The following FRMD6 variants were observed in gnomAD, a reference collection of about 807,000 sequenced individuals.
FRMD6 encodes FERM domain-containing protein 6.
Under a neutral mutation model 73.2 loss-of-function variants are expected in FRMD6, and 37 were observed. The ratio of observed to expected loss-of-function variants is 0.51; its 90% CI spans 0.39 to 0.66. FRMD6 has a LOEUF of 0.66. Ranked by LOEUF, FRMD6 falls within the 30% of genes least tolerant of loss-of-function variation. The probability of loss-of-function intolerance (pLI) is 0.00; values close to 1 mark genes in which losing one functional copy is unlikely to be tolerated. For missense variants in FRMD6, 714 were observed against 780.5 expected (o/e 0.91, Z 1.02); for synonymous variants, 273 against 282.2 (o/e 0.97, Z 0.33).
rs1240877933 is a variant in FRMD6 at position 51,711,527 on chromosome 14, A to G, written c.715-4A>G. On this transcript the variant is annotated splice_polypyrimidine_tract_variant and splice_region_variant and intron_variant, in intron 7 of 13. Coordinates refer to ENST00000344768, the MANE Select transcript of FRMD6 (RefSeq NM_001267046.2). ...TAATTTTTTATAAAATCCTATTCCT[A>G]CAGGATAAAAGGGAAATTGAAGCAT... The G allele has an allele frequency of 1.9e-6, 3 of 1,585,140 alleles. No homozygotes were observed. Among genetic ancestry groups the G allele is most frequent in the South Asian group, 1.1e-5 (1 of 88,972 alleles).
chr14:51,562,849 C>T (rs1172600241), intron 1 of FRMD6, among the ~76,000 whole-genome samples: 2 of 152,204 alleles, frequency 1.3e-5, no homozygotes, highest in African/African-American at 2.4e-5. Context: ...ACAAAATAGA[C>T]ATTTATGATA....
chr14:51,541,592 G>A (rs1020668317), intron 1 of FRMD6, among the ~76,000 whole-genome samples: 1 of 152,004 alleles, frequency 6.6e-6, no homozygotes, highest in Non-Finnish European at 1.5e-5. Flanking sequence ...GGCTGTGTAC[G>A]GATGTAAGAA....
At chr14:51,656,059 A>G (rs1472044782) in intron 1 of FRMD6, among the ~76,000 whole-genome samples, 2 of 152,218 alleles carry the variant, frequency 1.3e-5, no homozygotes, top group South Asian at 2.1e-4. Flanking sequence ...CTACAGCAGT[A>G]ATGGCTGAAG....
chr14:51,466,252 T>A, the FRMD6 span, among the ~76,000 whole-genome samples: 1 of 152,226 alleles, frequency 6.6e-6, no homozygotes, highest in Non-Finnish European at 1.5e-5. Flanking sequence ...AGCAAAAACT[T>A]AATTTTGGAA....
At chr14:51,606,787 A>T (rs927801684) in intron 2 of FRMD6, among the ~76,000 whole-genome samples, 1 of 152,124 alleles carries the variant, frequency 6.6e-6, no homozygotes, top group Non-Finnish European at 1.5e-5. Context: ...ATGCTCAGGA[A>T]TGCTGACCTA....
At chr14:51,525,357 C>T (rs576072372) in intron 1 of FRMD6, among the ~76,000 whole-genome samples, 1 of 152,088 alleles carries the variant, frequency 6.6e-6, no homozygotes, top group Admixed American at 6.5e-5. Context: ...CAACCTCCCC[C>T]TCCCGGGTTC....
chr14:51,572,746 T>G (rs1888197475), intron 2 of FRMD6, among the ~76,000 whole-genome samples: 1 of 152,182 alleles, frequency 6.6e-6, no homozygotes, highest in South Asian at 2.1e-4. Context: ...CCTAAGATGG[T>G]TGAAAAGGGA....
the FRMD6 span, among the ~76,000 whole-genome samples, chr14:51,438,051 C>T: frequency 6.6e-6 from 1 of 152,062 alleles, no homozygotes; most frequent in Admixed American, 6.5e-5. Context: ...TCTACTTTCT[C>T]TTGTTTAAAA....
At chr14:51,404,034 C>T in the FRMD6 span, among the ~76,000 whole-genome samples, 1 of 152,120 alleles carries the variant, frequency 6.6e-6, no homozygotes, top group African/African-American at 2.4e-5. Flanking sequence ...CCAGTGGTGT[C>T]TAAGTGTTAT....
chr14:51,703,057 T>G (rs1189665534), intron 5 of FRMD6, among the ~76,000 whole-genome samples: 1 of 152,006 alleles, frequency 6.6e-6, no homozygotes, highest in African/African-American at 2.4e-5. Context: ...TTTCTTTTCA[T>G]GTTTGGGGTC....
At position 51,516,136 on chromosome 14, in the gene FRMD6, A is replaced by C. The variant is rs186210057; in HGVS notation, c.-210+26716A>C. 6.6e-5 allele frequency among the ~76,000 whole-genome samples: 10 copies of C among 152,274 alleles called. No homozygotes were observed. The East Asian group carries it at 7.7e-4, about 12-fold the overall frequency. On this transcript the variant is annotated intron_variant, in intron 1 of 14. Transcript: ENST00000356218. ...GAAGCTGGAAGTTTCTCCTCCTGCC[A>C]AAGAGCTGCCCACTGGTGAACCCCT...
intron 1 of FRMD6, among the ~76,000 whole-genome samples, chr14:51,679,130 C>T (rs1894605846): frequency 6.6e-6 from 1 of 151,794 alleles, no homozygotes; most frequent in Non-Finnish European, 1.5e-5. Flanking sequence ...AAGAGGTCAC[C>T]CTGGCAGCAT....
At chr14:51,556,573 A>T (rs1017122015) in intron 1 of FRMD6, among the ~76,000 whole-genome samples, 27 of 152,162 alleles carry the variant, frequency 1.8e-4, no homozygotes, top group African/African-American at 6.5e-4. Context: ...ATGCATTTAG[A>T]TGGAGTCCCT....
intron 1 of FRMD6, among the ~76,000 whole-genome samples, chr14:51,559,228 T>C (rs1887335374): frequency 6.6e-6 from 1 of 152,230 alleles, no homozygotes; most frequent in African/African-American, 2.4e-5. Context: ...AGAAATAAGA[T>C]CTGTAAATGT....
chr14:51,409,202 T>C, the FRMD6 span, among the ~76,000 whole-genome samples: 1 of 152,116 alleles, frequency 6.6e-6, no homozygotes, highest in Admixed American at 6.5e-5. Flanking sequence ...TGCAGATCTG[T>C]GCTTCTTCTT....
At chr14:51,511,856 C>T (rs1355760896) in intron 1 of FRMD6, among the ~76,000 whole-genome samples, 1 of 150,208 alleles carries the variant, frequency 6.7e-6, no homozygotes, top group Non-Finnish European at 1.5e-5. Context: ...GCACATGTAC[C>T]CCAGAACTTA....
At position 51,492,920 on chromosome 14, in the gene FRMD6, C is replaced by T. The variant is rs71422023; in HGVS notation, c.-210+3500C>T. On this transcript the variant is annotated intron_variant, in intron 1 of 14. Coordinates refer to the FRMD6 transcript ENST00000356218. Reference sequence around the variant, plus strand: ...TGTTTCCCTTATTCCATGCTGCGTCCACCATGGCGCCTGGATTACAAACTC... The same window carrying T: ...TGTTTCCCTTATTCCATGCTGCGTCTACCATGGCGCCTGGATTACAAACTC... Among the ~76,000 whole-genome samples, 802 of 152,272 alleles carry T rather than the reference C, an allele frequency of 5.3e-3. 6 individuals are homozygous for T. The highest frequency in any genetic ancestry group is 9.3e-3 in the Non-Finnish European group (631 of 68,020).
At chr14:51,509,772 A>G (rs1324778095) in intron 1 of FRMD6, among the ~76,000 whole-genome samples, 3 of 151,778 alleles carry the variant, frequency 2.0e-5, no homozygotes, top group Non-Finnish European at 4.4e-5. Flanking sequence ...GATTACAGGC[A>G]CCTGCCACCA....
intron 6 of FRMD6, among the ~76,000 whole-genome samples, chr14:51,707,488 A>G (rs1032639035): frequency 6.6e-6 from 1 of 152,154 alleles, no homozygotes; most frequent in Non-Finnish European, 1.5e-5. Context: ...GTCTGATGAA[A>G]ATCTAAGTCA....
Sources: allele counts gnomAD v4.1 joint callset (sites outside exome capture counted in the v4.1 genomes callset), GRCh38; gene constraint gnomAD v4.1.1; transcripts MANE v1.5; gene names NCBI Gene and HGNC (gene_info 2026-07-23, HGNC 2026-07-21).